Variants in CNTN5 observed in about 807,000 individuals in gnomAD.
CNTN5 encodes contactin-5.
Under a neutral mutation model 129.1 loss-of-function variants are expected in CNTN5, and 77 were observed. The ratio of observed to expected loss-of-function variants is 0.60; its 90% CI spans 0.50 to 0.72. The LOEUF (loss-of-function observed/expected upper bound fraction) is 0.72. Among genes scored for constraint, CNTN5 ranks in the 30% least tolerant of loss-of-function variants. The probability of loss-of-function intolerance (pLI) is 0.00; values close to 1 mark genes in which losing one functional copy is unlikely to be tolerated. For missense variants in CNTN5, 1,478 were observed against 1,328.8 expected (o/e 1.11, Z -1.75); for synonymous variants, 509 against 465.6 (o/e 1.09, Z -1.20).
intron 1 of CNTN5, among the ~76,000 whole-genome samples, chr11:99,180,173 A>C (rs1249127055): frequency 3.9e-5 from 6 of 152,232 alleles, no homozygotes; most frequent in Admixed American, 3.3e-4. Flanking sequence ...ATGATATAAT[A>C]AGCAGATTGA....
intron 3 of CNTN5, among the ~76,000 whole-genome samples, chr11:99,561,617 A>C (rs1948845496): frequency 1.1e-5 from 1 of 95,090 alleles, no homozygotes; most frequent in Admixed American, 1.1e-4. Context: ...GCCATGTAAT[A>C]ATCATGATCA....
intron 7 of CNTN5, among the ~76,000 whole-genome samples, chr11:99,919,778 C>G (rs1949889586): frequency 6.6e-6 from 1 of 150,842 alleles, no homozygotes; most frequent in Non-Finnish European, 1.5e-5. Context: ...CTTTCTGTCT[C>G]TATAGTTTTG....
intron 1 of CNTN5, among the ~76,000 whole-genome samples, chr11:99,253,302 T>C (rs1373219345): frequency 6.6e-6 from 1 of 152,102 alleles, no homozygotes; most frequent in Non-Finnish European, 1.5e-5. Flanking sequence ...TCCTCAGCCA[T>C]ATGAAACTGT....
intron 1 of CNTN5, among the ~76,000 whole-genome samples, chr11:99,137,290 A>T (rs1859276214): frequency 1.3e-5 from 2 of 152,184 alleles, no homozygotes; most frequent in Admixed American, 1.3e-4. Context: ...TCTAGTTTTA[A>T]ACAAAGCATC....
chr11:99,864,613 C>T (rs1948306683), intron 6 of CNTN5, among the ~76,000 whole-genome samples: 2 of 152,138 alleles, frequency 1.3e-5, no homozygotes, highest in African/African-American at 2.4e-5. Context: ...TCTTTCAACT[C>T]AGGATCTCGG....
chr11:100,245,754 G>A (rs1236902542), intron 16 of CNTN5, among the ~76,000 whole-genome samples: 1 of 152,076 alleles, frequency 6.6e-6, no homozygotes, highest in Non-Finnish European at 1.5e-5. Flanking sequence ...TGGAGTTAAA[G>A]CTCATATTCA....
At chr11:99,398,071 T>C (rs1941617692) in intron 2 of CNTN5, among the ~76,000 whole-genome samples, 1 of 151,794 alleles carries the variant, frequency 6.6e-6, no homozygotes, top group South Asian at 2.1e-4. Context: ...ATTCCAACAG[T>C]GAGACACCTG....
chr11:99,786,300 G>A (rs1945521505), intron 3 of CNTN5, among the ~76,000 whole-genome samples: 1 of 152,066 alleles, frequency 6.6e-6, no homozygotes, highest in South Asian at 2.1e-4. Flanking sequence ...ACTTACAAGG[G>A]ATGTGAAGGA....
intron 1 of CNTN5, among the ~76,000 whole-genome samples, chr11:99,073,911 A>G (rs534929057): frequency 6.4e-4 from 97 of 150,478 alleles, no homozygotes; most frequent in African/African-American, 2.3e-3. Flanking sequence ...TTGCTGGGTC[A>G]AATGGTATTT....
chr11:100,271,315 A>G (rs1591458891), intron 18 of CNTN5, 74 bp downstream of exon 18: 2 of 1,006,606 alleles, frequency 2.0e-6, no homozygotes, highest in South Asian at 2.4e-5. Flanking sequence ...ATTAACCATG[A>G]TTGCTCCATT....
At chr11:100,001,181 G>C (rs1466772297) in intron 8 of CNTN5, among the ~76,000 whole-genome samples, 1 of 152,166 alleles carries the variant, frequency 6.6e-6, no homozygotes, top group African/African-American at 2.4e-5. Flanking sequence ...ACATGAAAAG[G>C]ACTCAGAAAA....
intron 1 of CNTN5, among the ~76,000 whole-genome samples, chr11:99,022,213 G>C (rs1054017885): frequency 6.6e-6 from 1 of 152,100 alleles, no homozygotes; most frequent in Non-Finnish European, 1.5e-5. Flanking sequence ...TCTCAATTAC[G>C]ACTGTGGAAA....
chr11:99,514,002 G>C (rs559282935), intron 2 of CNTN5, among the ~76,000 whole-genome samples: 2 of 151,966 alleles, frequency 1.3e-5, no homozygotes, highest in Admixed American at 1.3e-4. Flanking sequence ...AGGATTTACC[G>C]TTCTAGATCC....
intron 6 of CNTN5, among the ~76,000 whole-genome samples, chr11:99,897,151 G>A (rs1319274450): frequency 6.6e-6 from 1 of 152,054 alleles, no homozygotes; most frequent in African/African-American, 2.4e-5. Flanking sequence ...TGAGAAATAA[G>A]AGATTATGTA....
intron 15 of CNTN5, among the ~76,000 whole-genome samples, chr11:100,194,739 A>C (rs1156545400): frequency 6.6e-6 from 1 of 152,028 alleles, no homozygotes; most frequent in Non-Finnish European, 1.5e-5. Flanking sequence ...AATCAAAGTG[A>C]AAAAGTTACA....
chr11:99,686,851 T>C (rs1311790891), intron 3 of CNTN5, among the ~76,000 whole-genome samples: 1 of 152,172 alleles, frequency 6.6e-6, no homozygotes, highest in Non-Finnish European at 1.5e-5. Context: ...AGAGCCTTCT[T>C]GGTATCCTGA....
chr11:99,431,421 G>A (rs1464078280), intron 2 of CNTN5, among the ~76,000 whole-genome samples: 2 of 152,122 alleles, frequency 1.3e-5, no homozygotes, highest in Admixed American at 6.6e-5. Context: ...CTGGAAGCAG[G>A]AAAACTCACT....
rs148926062 is a variant in CNTN5 at position 99,629,564 on chromosome 11, CA to C, written c.55+73296del. Among the ~76,000 whole-genome samples the C allele has an allele frequency of 6.7e-3, 1,014 of 151,880 alleles. 66 individuals carry two copies. The East Asian group carries it at 0.17, about 25-fold the overall frequency. ...TAAGGGGATAAGATAAAGGAATGATCAGGGGTACAGGATTTATGGGGAAAGT... is the reference window on the plus strand; with the variant it reads ...TAAGGGGATAAGATAAAGGAATGATCGGGGTACAGGATTTATGGGGAAAGT... On this transcript the variant is annotated intron_variant, in intron 3 of 24. Coordinates refer to ENST00000524871, the MANE Select transcript of CNTN5 (RefSeq NM_014361.4).
Position 100,122,637 on chromosome 11 carries a change from G to A in CNTN5, c.1580+48343G>A, listed in dbSNP as rs1360863434. 4.6e-5 allele frequency among the ~76,000 whole-genome samples: 7 copies of A among 152,114 alleles called. No homozygotes were observed. In the East Asian group the frequency reaches 1.4e-3, roughly 30 times the overall value. Reference sequence around the variant, plus strand: ...TCTGGGGAGGATGCTCTTAAGCAGAGAAAAACCATTTGGAGTATGCTTAGG... The same window carrying A: ...TCTGGGGAGGATGCTCTTAAGCAGAAAAAAACCATTTGGAGTATGCTTAGG... On this transcript the variant is annotated intron_variant, in intron 13 of 24. Coordinates refer to ENST00000524871, the MANE Select transcript of CNTN5 (RefSeq NM_014361.4).
Sources: allele counts gnomAD v4.1 joint callset (sites outside exome capture counted in the v4.1 genomes callset), GRCh38; gene constraint gnomAD v4.1.1; transcripts MANE v1.5; gene names NCBI Gene and HGNC (gene_info 2026-07-23, HGNC 2026-07-21).